IGSF10: variants seen among roughly 807,000 people sequenced by gnomAD.
IGSF10 encodes immunoglobulin superfamily member 10.
IGSF10 carries 126 observed loss-of-function variants against 128.2 expected under a neutral mutation model. The observed-to-expected ratio is 0.98, with a 90% confidence interval of 0.85 to 1.14. The LOEUF (loss-of-function observed/expected upper bound fraction) is 1.14. Among genes scored for constraint, IGSF10 ranks in the 50% most tolerant of loss-of-function variants. IGSF10 has a pLI of 0.00. For synonymous variants in IGSF10, 1,185 were observed against 1,146.2 expected (o/e 1.03, Z -0.68); for missense variants, 3,295 against 3,149.8 (o/e 1.05, Z -1.10).
chr3:151,618,761 T>C, the IGSF10 span, among the ~76,000 whole-genome samples: 14 of 145,924 alleles, frequency 9.6e-5, no homozygotes, highest in African/African-American at 2.5e-4. Context: ...AATAAATAAA[T>C]AAAAAATTAA....
rs1484692707 is a variant in IGSF10, at chr3:151,449,007, C to T, written c.974G>A (p.Gly325Glu). 1 of 1,614,198 alleles carries T rather than the reference C, an allele frequency of 6.2e-7. No homozygotes were observed. The highest frequency in any genetic ancestry group is 1.7e-5 in the Admixed American group (1 of 60,030). The change falls in exon 6 of 8, where the codon GGA (glycine) becomes GAA (glutamate). Residue 325 changes from glycine (G) to glutamate (E), a missense_variant. By Grantham distance (98) the Gly-to-Glu change is moderately conservative (BLOSUM62 -2). Transcript: ENST00000282466. ...ACTGCAGACCATGTTAGCTTCATTT[C>T]CAGACTGATCTGTCATATTCAAAGT... is the stretch of plus-strand genomic sequence containing the variant. ...SLTLNMTDQS[G>E]NEANMVCSIQ...
upstream of IGSF10, among the ~76,000 whole-genome samples, chr3:151,464,805 A>G (rs1397299448): frequency 1.3e-5 from 2 of 152,230 alleles, no homozygotes; most frequent in East Asian, 1.9e-4. Context: ...ACGGTAAGTG[A>G]TAAGTGCCAT....
At chr3:151,512,191 C>T in the IGSF10 span, among the ~76,000 whole-genome samples, 1 of 152,088 alleles carries the variant, frequency 6.6e-6, no homozygotes. Flanking sequence ...ACACCTATTC[C>T]AAAATTGACC....
Position 151,447,549 on chromosome 3 carries a change from G to C in IGSF10, c.2432C>G (p.Thr811Ser), listed in dbSNP as rs1275428373. The C allele has an allele frequency of 1.2e-6, 2 of 1,614,072 alleles. No individual in the cohort carries two copies. Among genetic ancestry groups the C allele is most frequent in the African/African-American group, 1.3e-5 (1 of 74,924 alleles). ...CCTTGCTGGAAGGTTCAAAGCTTTA[G>C]TGGCCGGGACCATAAATTCCTCATG... ...ALHEEFMVPA[T>S]KALNLPARTV... Residue 811 changes from threonine to serine, a missense_variant, in exon 6 of 8, where the codon ACT becomes AGT. Physicochemically the swap from Thr to Ser is moderately conservative, Grantham distance 58. Transcript: ENST00000282466.
chr3:151,609,103 G>T, the IGSF10 span, among the ~76,000 whole-genome samples: 1 of 152,174 alleles, frequency 6.6e-6, no homozygotes, highest in Admixed American at 6.5e-5. Context: ...AGATATTTGA[G>T]CTGAGTTCTG....
At chr3:151,456,939 T>A in intron 4 of IGSF10, 87 bp downstream of exon 4, 1 of 1,299,712 alleles carries the variant, frequency 7.7e-7, no homozygotes. Flanking sequence ...GATTTTCGTA[T>A]TGTGTAGAGA....
chr3:151,460,251 T>C lies in IGSF10; in HGVS notation c.-2+10A>G, dbSNP rs561626101. On this transcript the variant is annotated intron_variant, in intron 2 of 7. Coordinates refer to ENST00000282466, the MANE Select transcript of IGSF10 (RefSeq NM_178822.5). ...GAAAATGTACATAATGAAATAGGAA[T>C]TGGCAATACCTGAGCTCTTCTTTCA... 1.0e-5 allele frequency: 9 copies of C among 866,876 alleles called. No individual in the cohort carries two copies. The highest frequency in any genetic ancestry group is 1.8e-5 in the African/African-American group (1 of 54,718). 53.7% of individuals were successfully genotyped at this position (866,876 alleles called of 1,614,324 possible).
chr3:151,546,023 TAG>T, the IGSF10 span, among the ~76,000 whole-genome samples: 4 of 147,406 alleles, frequency 2.7e-5, no homozygotes, highest in Non-Finnish European at 6.0e-5. Flanking sequence ...AACATTAGAT[TAG>T]AGATCATATG....
At chr3:151,575,907 G>A in the IGSF10 span, among the ~76,000 whole-genome samples, 13 of 152,212 alleles carry the variant, frequency 8.5e-5, no homozygotes, top group Non-Finnish European at 7.4e-5. Flanking sequence ...GTGGACTTAC[G>A]TATAGGCAAT....
At chr3:151,468,083 C>T in the IGSF10 span, among the ~76,000 whole-genome samples, 1 of 152,112 alleles carries the variant, frequency 6.6e-6, no homozygotes. Context: ...GCTTAAAGTA[C>T]GGCAAGGAGT....
the IGSF10 span, among the ~76,000 whole-genome samples, chr3:151,562,726 A>T: frequency 6.6e-6 from 1 of 152,046 alleles, no homozygotes; most frequent in East Asian, 1.9e-4. Flanking sequence ...GAAGTGCTCT[A>T]CTGTGGTGCC....
At chr3:151,572,973 A>G in the IGSF10 span, among the ~76,000 whole-genome samples, 4 of 152,108 alleles carry the variant, frequency 2.6e-5, no homozygotes, top group Non-Finnish European at 5.9e-5. Context: ...TTCTGTCTTC[A>G]TTTCATTATT....
At chr3:151,508,291 TATGG>T in the IGSF10 span, among the ~76,000 whole-genome samples, 1 of 152,144 alleles carries the variant, frequency 6.6e-6, no homozygotes, top group African/African-American at 2.4e-5. Context: ...ATGAAAGGTT[TATGG>T]AAAGTTTTTA....
At chr3:151,477,434 G>C in the IGSF10 span, among the ~76,000 whole-genome samples, 5 of 152,096 alleles carry the variant, frequency 3.3e-5, no homozygotes, top group Admixed American at 6.6e-5. Flanking sequence ...CTTAGGGGAG[G>C]TGTCTTGGAT....
chr3:151,551,662 T>TACACACACACAC, the IGSF10 span, among the ~76,000 whole-genome samples: 1 of 145,386 alleles, frequency 6.9e-6, no homozygotes, highest in South Asian at 2.3e-4. Flanking sequence ...ACATGGGCAT[T>TACACACACACAC]ACACACACAC....
the IGSF10 span, among the ~76,000 whole-genome samples, chr3:151,513,599 T>C: frequency 1.5e-3 from 236 of 152,278 alleles, no homozygotes; most frequent in Middle Eastern, 3.4e-3. Flanking sequence ...CTATTCAACA[T>C]AGTGTTGGAA....
the IGSF10 span, among the ~76,000 whole-genome samples, chr3:151,547,485 A>C: frequency 6.6e-6 from 1 of 151,706 alleles, no homozygotes; most frequent in African/African-American, 2.4e-5. Flanking sequence ...ACTGTTGCCA[A>C]TTGTCTAGGT....
chr3:151,474,050 ATCTT>A, the IGSF10 span, among the ~76,000 whole-genome samples: 3 of 152,188 alleles, frequency 2.0e-5, no homozygotes, highest in East Asian at 5.8e-4. Flanking sequence ...ATTGGGGAAA[ATCTT>A]AGATTTTGTA....
chr3:151,595,502 A>G, the IGSF10 span, among the ~76,000 whole-genome samples: 3 of 149,068 alleles, frequency 2.0e-5, no homozygotes, highest in African/African-American at 7.3e-5. Context: ...TTATATATTT[A>G]TAATAGCATC....
Sources: allele counts gnomAD v4.1 joint callset (sites outside exome capture counted in the v4.1 genomes callset), GRCh38; gene constraint gnomAD v4.1.1; transcripts MANE v1.5; gene names NCBI Gene and HGNC (gene_info 2026-07-23, HGNC 2026-07-21).